CPLANE1: variants seen among roughly 807,000 people sequenced by gnomAD.
CPLANE1 encodes ciliogenesis and planar polarity effector 1.
CPLANE1 carries 263 observed loss-of-function variants against 362.5 expected under a neutral mutation model. The observed-to-expected ratio is 0.73, with a 90% CI of 0.66 to 0.80. The LOEUF (loss-of-function observed/expected upper bound fraction) is 0.80, where lower values mean the gene tolerates loss of function less well. Ranked by LOEUF, CPLANE1 falls within the 30% of genes least tolerant of loss-of-function variation. CPLANE1 has a pLI of 0.00. For missense variants in CPLANE1, 3,461 were observed against 3,793.4 expected, an observed-to-expected ratio of 0.91 and a Z score of 2.30; for synonymous variants, 1,212 against 1,302.6, an observed-to-expected ratio of 0.93 and a Z score of 1.50.
chr5:37,179,843 A>G (rs1313142812), intron 28 of CPLANE1, among the ~76,000 whole-genome samples, 174 bp downstream of exon 28: 3 of 152,220 alleles, frequency 2.0e-5, no homozygotes, highest in African/African-American at 4.8e-5. Flanking sequence ...TAAAACCAAA[A>G]TTAGAGTTAA....
rs917828500 is a variant in CPLANE1, at chr5:37,135,911, C to G, written c.8792+2809G>C. Among the ~76,000 whole-genome samples the G allele has an allele frequency of 6.6e-6, 1 of 152,014 alleles. No individual in the cohort carries two copies. Among genetic ancestry groups the G allele is most frequent in the Admixed American group, 6.5e-5 (1 of 15,272 alleles). On this transcript the variant is annotated intron_variant, in intron 46 of 52. Coordinates refer to ENST00000651892, the MANE Select transcript of CPLANE1 (RefSeq NM_001384732.1). ...CACGAGAACAGGATGGGGCAAAACA[C>G]CTCCGTGATTAAATTATCTCCACCA...
intron 46 of CPLANE1, among the ~76,000 whole-genome samples, chr5:37,133,544 T>C (rs1449736032): frequency 3.3e-5 from 5 of 151,774 alleles, no homozygotes; most frequent in African/African-American, 7.3e-5. Flanking sequence ...CTGTTGTAAA[T>C]GGGACTGCAT....
At chr5:37,105,568 A>G (rs561202135), downstream of CPLANE1, among the ~76,000 whole-genome samples, 1 of 152,362 alleles carries the variant, frequency 6.6e-6, no homozygotes, top group African/African-American at 2.4e-5. Context: ...TACTTGAAAG[A>G]AACATTTGGG....
intron 46 of CPLANE1, among the ~76,000 whole-genome samples, chr5:37,134,926 TG>T (rs1242837521): frequency 3.3e-5 from 5 of 152,022 alleles, no homozygotes; most frequent in Non-Finnish European, 7.4e-5. Context: ...CCCGAGTAGC[TG>T]GGATTACAGG....
At chr5:37,082,218 A>G in the CPLANE1 span, among the ~76,000 whole-genome samples, 1 of 152,240 alleles carries the variant, frequency 6.6e-6, no homozygotes, top group East Asian at 1.9e-4. Context: ...CAAATACTGA[A>G]ATAAAAACTT....
intron 5 of CPLANE1, 42 bp downstream of exon 5, chr5:37,244,333 T>G (rs775457522): frequency 5.9e-6 from 8 of 1,348,008 alleles, no homozygotes; most frequent in Non-Finnish European, 8.2e-6. Context: ...TTACACACTC[T>G]GCTAATCTGC....
chr5:37,078,478 A>G, the CPLANE1 span, among the ~76,000 whole-genome samples: 1 of 152,130 alleles, frequency 6.6e-6, no homozygotes, highest in Non-Finnish European at 1.5e-5. Context: ...GATTCCACAT[A>G]TTTGCTATTG....
chr5:37,224,167 G>T, intron 14 of CPLANE1, 86 bp downstream of exon 14: 1 of 817,840 alleles, frequency 1.2e-6, no homozygotes, highest in Non-Finnish European at 1.9e-6. Context: ...CATATTTTTT[G>T]GAATTTAGAA....
At chr5:37,186,834 C>G (rs983704785) in intron 23 of CPLANE1, among the ~76,000 whole-genome samples, 24 of 152,010 alleles carry the variant, frequency 1.6e-4, no homozygotes, top group South Asian at 1.0e-3. Context: ...CCGAGGCGGG[C>G]AGATCACGAG....
At chr5:37,223,112 A>G (rs528200023) in intron 14 of CPLANE1, among the ~76,000 whole-genome samples, 18 of 152,316 alleles carry the variant, frequency 1.2e-4, no homozygotes, top group African/African-American at 4.1e-4. Flanking sequence ...CCTACCGCCA[A>G]TATCACATAT....
the CPLANE1 span, among the ~76,000 whole-genome samples, chr5:37,092,878 T>C: frequency 6.6e-6 from 1 of 152,146 alleles, no homozygotes; most frequent in Non-Finnish European, 1.5e-5. Flanking sequence ...AATATTTCTA[T>C]TTCACCCCAA....
At chr5:37,228,930 G>A (rs1797044916) in intron 9 of CPLANE1, among the ~76,000 whole-genome samples, 1 of 152,152 alleles carries the variant, frequency 6.6e-6, no homozygotes, top group Non-Finnish European at 1.5e-5. Flanking sequence ...ACTGCAGGAA[G>A]TGACACGTTT....
chr5:37,168,477 T>C (rs2150923081), intron 34 of CPLANE1, among the ~76,000 whole-genome samples: 1 of 152,006 alleles, frequency 6.6e-6, no homozygotes, highest in African/African-American at 2.4e-5. Context: ...CCAGTATTGA[T>C]AGAAAGACCT....
rs1174281544 is a variant in CPLANE1 at position 37,121,632 on chromosome 5, C to A, written c.9170G>T (p.Cys3057Phe). 1.2e-6 allele frequency: 2 copies of A among 1,614,096 alleles called. No individual in the cohort carries two copies. The highest frequency in any genetic ancestry group is 8.5e-7 in the Non-Finnish European group (1 of 1,179,968). Residue 3057 changes from cysteine (C) to phenylalanine (F), a missense_variant, in exon 49 of 53, where the codon TGC becomes TTC. Transcript: ENST00000651892. ...SPTQSSSCQH[C>F]PSPRGENQHG... ...CTTGTCTTACCCTCTTGGAGAAGGGCAGTGTTGACAACTGGAAGACTGAGT... is the reference window on the plus strand; with the variant it reads ...CTTGTCTTACCCTCTTGGAGAAGGGAAGTGTTGACAACTGGAAGACTGAGT...
intron 26 of CPLANE1, among the ~76,000 whole-genome samples, 165 bp from the exon 27 acceptor site, chr5:37,181,170 T>C (rs528966872): frequency 6.6e-6 from 1 of 152,218 alleles, no homozygotes; most frequent in Non-Finnish European, 1.5e-5. Context: ...GAAGCAATGA[T>C]CAAGTCTTTA....
rs551349721 is a variant in CPLANE1, at chr5:37,140,410, C to T, written c.8633-1040G>A. On this transcript the variant is annotated intron_variant, in intron 44 of 52. Transcript: ENST00000651892. Reference sequence around the variant, plus strand: ...TTTATTTTCGTTCTCAGAATCTGGGCATTTGTGGGTTAAGAGCAACTAATT... The same window carrying T: ...TTTATTTTCGTTCTCAGAATCTGGGTATTTGTGGGTTAAGAGCAACTAATT... 12 of 984,766 alleles carry T rather than the reference C, an allele frequency of 1.2e-5. No individual in the cohort carries two copies. In the East Asian group the frequency reaches 9.1e-4, roughly 75 times the overall value. The allele number at this position is 984,766 out of a possible 1,614,324, so 61.0% of individuals were successfully genotyped here.
chr5:37,194,868 G>A (rs1187139380), intron 21 of CPLANE1, among the ~76,000 whole-genome samples: 1 of 151,740 alleles, frequency 6.6e-6, no homozygotes, highest in Non-Finnish European at 1.5e-5. Flanking sequence ...TAAGATCAGG[G>A]CTGGCCAGGC....
the CPLANE1 span, among the ~76,000 whole-genome samples, chr5:37,086,688 T>C: frequency 7.2e-5 from 11 of 152,266 alleles, no homozygotes; most frequent in South Asian, 2.1e-4. Context: ...CTTGAGACTT[T>C]TGTCATTTAA....
intron 42 of CPLANE1, among the ~76,000 whole-genome samples, chr5:37,150,934 A>G (rs1228878076): frequency 6.6e-6 from 1 of 152,122 alleles, no homozygotes; most frequent in African/African-American, 2.4e-5. Flanking sequence ...ATTTGGAACC[A>G]CTGTGACCCA....
Sources: gnomAD v4.1 joint callset for allele counts (sites outside exome capture counted in the v4.1 genomes callset) on GRCh38, gnomAD v4.1.1 for gene constraint, MANE v1.5 for transcripts, NCBI Gene and HGNC (gene_info 2026-07-23, HGNC 2026-07-21) for gene names.